EBF4: variants seen among roughly 807,000 people sequenced by gnomAD.
EBF4 encodes transcription factor COE4.
In EBF4, 34 loss-of-function variants were observed where a neutral mutation model predicts 67.1. The observed-to-expected ratio is 0.51, with a 90% CI of 0.39 to 0.67. EBF4 has a LOEUF of 0.67. EBF4 is among the 30% of genes least tolerant of loss of function. The probability of loss-of-function intolerance (pLI) is 0.00; values close to 1 mark genes in which losing one functional copy is unlikely to be tolerated. For synonymous variants in EBF4, 387 were observed against 377.7 expected, an observed-to-expected ratio of 1.02 and a Z score of -0.29; for missense variants, 837 against 873.3, an observed-to-expected ratio of 0.96 and a Z score of 0.52.
chr20:2,713,699 A>G (rs2087572285), intron 6 of EBF4, among the ~76,000 whole-genome samples: 1 of 152,170 alleles, frequency 6.6e-6, no homozygotes, highest in Non-Finnish European at 1.5e-5. Flanking sequence ...AGGGATATTT[A>G]TTTTTTAAAA....
rs1035848886 is a variant in EBF4, at chr20:2,751,892, C to T, written c.1108-30C>T. On this transcript the variant is annotated intron_variant, in intron 11 of 16. Transcript: ENST00000609451. This position sits in a 1 kb window ranked among gnomAD's most constrained non-coding sequence, Gnocchi z 5.2. ...TTGGTCGCCCCCAGGGGCTGCCCCTCCGTCCCGCTGTCTCTCCCCCTGTCC... is the reference window on the plus strand; with the variant it reads ...TTGGTCGCCCCCAGGGGCTGCCCCTTCGTCCCGCTGTCTCTCCCCCTGTCC... The T allele has an allele frequency of 1.3e-6, 2 of 1,549,038 alleles. No homozygotes were observed. Among genetic ancestry groups the T allele is most frequent in the South Asian group, 1.2e-5 (1 of 84,028 alleles).
intron 5 of EBF4, among the ~76,000 whole-genome samples, chr20:2,708,770 G>A (rs1275379784): frequency 6.6e-6 from 1 of 152,114 alleles, no homozygotes; most frequent in South Asian, 2.1e-4. Context: ...TAAATCTGTG[G>A]TTGGAACTGT....
At chr20:2,703,491 T>G (rs2087406311) in intron 1 of EBF4, among the ~76,000 whole-genome samples, 1 of 151,910 alleles carries the variant, frequency 6.6e-6, no homozygotes, top group African/African-American at 2.4e-5. Flanking sequence ...CACAGCACTT[T>G]GGGAGTCCAA....
At position 2,706,040 on chromosome 20, in the gene EBF4, G is replaced by A; in HGVS notation, c.358+3G>A. 6.4e-7 allele frequency: 1 copy of A among 1,551,586 alleles called. No homozygotes were observed. The highest frequency in any genetic ancestry group is 1.4e-5 in the African/African-American group (1 of 73,158). On this transcript the variant is annotated splice_donor_region_variant and intron_variant, in intron 3 of 16. Transcript: ENST00000609451. Reference sequence around the variant, plus strand: ...CCTCCGGCTGGTGTATAACAATGGTGAGTGGAGGCCCCTGCCCTACCCAGC... The same window carrying A: ...CCTCCGGCTGGTGTATAACAATGGTAAGTGGAGGCCCCTGCCCTACCCAGC...
At chr20:2,704,834 G>A (rs1334039650) in intron 1 of EBF4, among the ~76,000 whole-genome samples, 1 of 152,214 alleles carries the variant, frequency 6.6e-6, no homozygotes, top group African/African-American at 2.4e-5. Flanking sequence ...GGATGCAGGG[G>A]ATATTTGGGG....
intron 14 of EBF4, among the ~76,000 whole-genome samples, chr20:2,752,925 G>C (rs970078707): frequency 6.6e-6 from 1 of 152,240 alleles, no homozygotes; most frequent in African/African-American, 2.4e-5. Flanking sequence ...GGAGGAGGCT[G>C]GCGCCGCCTG....
At chr20:2,718,618 A>G (rs372613886) in intron 6 of EBF4, among the ~76,000 whole-genome samples, 1 of 152,246 alleles carries the variant, frequency 6.6e-6, no homozygotes, top group South Asian at 2.1e-4. Context: ...TCTAGAACCT[A>G]TAGTGATGTC....
chr20:2,709,275 A>G (rs1176266041), intron 5 of EBF4, among the ~76,000 whole-genome samples: 4 of 152,120 alleles, frequency 2.6e-5, no homozygotes, highest in Non-Finnish European at 5.9e-5. Context: ...TTCCATAGAG[A>G]GAAACCCTGT....
At chr20:2,730,205 TG>T (rs2087795300) in intron 6 of EBF4, among the ~76,000 whole-genome samples, 1 of 152,200 alleles carries the variant, frequency 6.6e-6, no homozygotes, top group South Asian at 2.1e-4. Flanking sequence ...CTCCCCATTC[TG>T]GAGGCCAAGT....
chr20:2,750,413 G>A, intron 10 of EBF4, among the ~76,000 whole-genome samples: 1 of 152,160 alleles, frequency 6.6e-6, no homozygotes, highest in Non-Finnish European at 1.5e-5. Context: ...CACTCTGCAT[G>A]TACACGCACA....
chr20:2,755,623 G>T lies in EBF4; in HGVS notation c.1541-4G>T, dbSNP rs1385394912. The T allele has an allele frequency of 1.4e-5, 7 of 488,964 alleles. No homozygotes were observed. The allele number at this position is 488,964 out of a possible 1,614,324, so 30.3% of individuals were successfully genotyped here. A position where few individuals can be genotyped will look rare whatever the true frequency, so the allele number is the denominator to read the frequency against. On this transcript the variant is annotated splice_polypyrimidine_tract_variant and splice_region_variant and intron_variant, in intron 14 of 16. Transcript: ENST00000609451. This position sits in a 1 kb window ranked among gnomAD's most constrained non-coding sequence, Gnocchi z 4.7. ...CGCCTGCCCCTCCCCGCCCCGCCCC[G>T]GAGTCATGCCCTCTAGCCCCCCGCT...
chr20:2,749,651 C>T (rs780647491), exon 9 of EBF4: 7 of 1,566,458 alleles, frequency 4.5e-6, no homozygotes, highest in Middle Eastern at 3.3e-4. Flanking sequence ...CCATCAGCCC[C>T]GGGGAGGGCT....
At chr20:2,701,537 G>T (rs1408610563) in intron 1 of EBF4, among the ~76,000 whole-genome samples, 1 of 152,254 alleles carries the variant, frequency 6.6e-6, no homozygotes, top group Non-Finnish European at 1.5e-5. Flanking sequence ...GCTGATATTT[G>T]GGTGGGACAG....
chr20:2,753,257 G>A (rs767746150), intron 14 of EBF4, among the ~76,000 whole-genome samples: 1 of 152,216 alleles, frequency 6.6e-6, no homozygotes, highest in Non-Finnish European at 1.5e-5. Flanking sequence ...CGGAGTCCCA[G>A]CCCTGACTGT....
At chr20:2,724,019 T>C (rs1216478715) in intron 6 of EBF4, among the ~76,000 whole-genome samples, 2 of 152,264 alleles carry the variant, frequency 1.3e-5, no homozygotes, top group African/African-American at 4.8e-5. Flanking sequence ...TACTACATAT[T>C]CTTAAGAAAG....
chr20:2,723,325 A>T (rs2087705887), intron 6 of EBF4, among the ~76,000 whole-genome samples: 1 of 151,826 alleles, frequency 6.6e-6, no homozygotes, highest in South Asian at 2.1e-4. Flanking sequence ...TTATGTTTAG[A>T]TGTTTGTCTT....
intron 14 of EBF4, among the ~76,000 whole-genome samples, chr20:2,753,018 G>A (rs2088181778): frequency 6.6e-6 from 1 of 152,242 alleles, no homozygotes; most frequent in African/African-American, 2.4e-5. Context: ...AGGCCAGGTG[G>A]GCGTGGGGAG....
chr20:2,705,701 A>G, exon 2 of EBF4: 1 of 1,551,258 alleles, frequency 6.4e-7, no homozygotes, highest in Non-Finnish European at 8.7e-7. Flanking sequence ...GGTGGAGCGC[A>G]CAGCCTTCAT....
At chr20:2,749,335 C>A in intron 7 of EBF4, 66 bp from the exon 8 acceptor site, 1 of 1,287,766 alleles carries the variant, frequency 7.8e-7, no homozygotes. Flanking sequence ...TGCTGGTTCC[C>A]CACCACATTC....
Sources: allele counts gnomAD v4.1 joint callset (sites outside exome capture counted in the v4.1 genomes callset), GRCh38; gene constraint gnomAD v4.1.1; non-coding constraint Gnocchi (gnomAD v3.1); transcripts MANE v1.5; gene names NCBI Gene and HGNC (gene_info 2026-07-23, HGNC 2026-07-21).